KALRN: variants seen among roughly 807,000 people sequenced by gnomAD.
KALRN encodes kalirin.
KALRN carries 70 observed loss-of-function variants against 353.7 expected under a neutral mutation model. The observed-to-expected ratio is 0.20, with a 90% CI of 0.16 to 0.24. The LOEUF (loss-of-function observed/expected upper bound fraction) is 0.24, where lower values mean the gene tolerates loss of function less well. KALRN is among the 10% of genes least tolerant of loss of function. KALRN has a pLI of 1.00. For missense variants in KALRN, 2,791 were observed against 3,756.7 expected, an observed-to-expected ratio of 0.74 and a Z score of 6.72; for synonymous variants, 1,391 against 1,434.8, an observed-to-expected ratio of 0.97 and a Z score of 0.69.
At chr3:124,574,093 G>A (rs763699120) in intron 34 of KALRN, among the ~76,000 whole-genome samples, 6 of 152,288 alleles carry the variant, frequency 3.9e-5, no homozygotes, top group African/African-American at 7.2e-5. Context: ...GAGGAGTTTC[G>A]TGGAAACTGC....
intron 13 of KALRN, among the ~76,000 whole-genome samples, chr3:124,403,607 C>T (rs2091144476): frequency 6.6e-6 from 1 of 152,178 alleles, no homozygotes; most frequent in South Asian, 2.1e-4. Flanking sequence ...AAATGGCATT[C>T]AAGGAAGAAA....
chr3:124,693,824 C>T lies in KALRN; in HGVS notation c.7398C>T (p.Ile2466=). ...TSMEILNPNF[I]QEVAPEFLVP... ...TTCAGATCTTAAATCCAAATTTCAT[C>T]CAAGAAGGTGAGTTAAAAAGCATTA... The change falls in exon 52 of 60, where the codon ATC becomes ATT. Residue 2466 remains isoleucine, a synonymous_variant. Coordinates refer to ENST00000682506, the MANE Select transcript of KALRN (RefSeq NM_001388419.1). The T allele has an allele frequency of 6.4e-7, 1 of 1,571,010 alleles. No individual in the cohort carries two copies. Among genetic ancestry groups the T allele is most frequent in the Non-Finnish European group, 8.7e-7 (1 of 1,149,710 alleles).
Position 124,721,067 on chromosome 3 carries a change from G to C in KALRN, c.*1597G>C, listed in dbSNP as rs1230290960. On this transcript the variant is annotated 3_prime_UTR_variant, in exon 60 of 60. Coordinates refer to ENST00000682506, the MANE Select transcript of KALRN (RefSeq NM_001388419.1). ...GAAGAGAATTTATGAAGGATGAATA[G>C]AACTACAAACCTATCTAAATGAAAA... is the stretch of plus-strand genomic sequence containing the variant. 6.6e-6 allele frequency: 1 copy of C among 152,098 alleles called. No homozygotes were observed. Among genetic ancestry groups the C allele is most frequent in the Non-Finnish European group, 1.5e-5 (1 of 68,000 alleles). 9.4% of individuals were successfully genotyped at this position (152,098 alleles called of 1,614,324 possible). A position where few individuals can be genotyped will look rare whatever the true frequency, so the allele number is the denominator to read the frequency against.
intron 10 of KALRN, among the ~76,000 whole-genome samples, chr3:124,381,441 C>A (rs2087362948): frequency 6.6e-6 from 1 of 152,130 alleles, no homozygotes; most frequent in Non-Finnish European, 1.5e-5. Flanking sequence ...CAGTGGGAAG[C>A]CACTGAACAG....
At chr3:124,628,525 C>T (rs976523095) in intron 34 of KALRN, among the ~76,000 whole-genome samples, 2 of 76,026 alleles carry the variant, frequency 2.6e-5, no homozygotes, top group Admixed American at 2.1e-4. Flanking sequence ...CCTTCCTTTC[C>T]TTCCTTCCTT....
intron 57 of KALRN, among the ~76,000 whole-genome samples, chr3:124,710,594 C>T (rs1042840865): frequency 3.3e-5 from 5 of 152,136 alleles, no homozygotes; most frequent in Admixed American, 3.3e-4. Flanking sequence ...CAAGACCAGC[C>T]TCGGCAATAT....
intron 37 of KALRN, among the ~76,000 whole-genome samples, chr3:124,645,088 CT>C (rs1245831185): frequency 2.0e-5 from 3 of 152,136 alleles, no homozygotes; most frequent in African/African-American, 7.2e-5. Context: ...TGGTGATGAG[CT>C]TTTTTTCATG....
At chr3:124,158,039 A>G (rs925439581) in intron 1 of KALRN, among the ~76,000 whole-genome samples, 11 of 152,302 alleles carry the variant, frequency 7.2e-5, no homozygotes, top group Middle Eastern at 3.4e-3. Flanking sequence ...TTTCCTGCCC[A>G]TCTTTCTCCT....
chr3:124,074,328 T>C (rs1344218417), intron 1 of KALRN, among the ~76,000 whole-genome samples: 1 of 152,230 alleles, frequency 6.6e-6, no homozygotes, highest in East Asian at 1.9e-4. Flanking sequence ...TTCCATGCAT[T>C]GAATGGGCAC....
Position 124,326,028 on chromosome 3 carries a change from T to G in KALRN, c.1141T>G (p.Ser381Ala). 1 of 1,613,744 alleles carries G rather than the reference T, an allele frequency of 6.2e-7. No homozygotes were observed. Among genetic ancestry groups the G allele is most frequent in the Non-Finnish European group, 8.5e-7 (1 of 1,179,784 alleles). ...CATCATGTCCGTGGCTTCCCGCCTC[T>G]CTGAGGCCGGTCATTATGCCTCACA... Reference protein sequence around the residue: ...NRIMSVASRLSEAGHYASQQI... With the variant: ...NRIMSVASRLAEAGHYASQQI... The change falls in exon 7 of 60, where the codon TCT (serine) becomes GCT (alanine). Residue 381 changes from serine (S) to alanine (A), a missense_variant. Ser to Ala is a moderately conservative substitution (Grantham distance 99). Transcript: ENST00000682506.
chr3:124,485,746 G>A (rs2108313395), intron 28 of KALRN, among the ~76,000 whole-genome samples: 1 of 152,258 alleles, frequency 6.6e-6, no homozygotes, highest in East Asian at 1.9e-4. Flanking sequence ...CAGTCGTGGT[G>A]GCGTGCACCT....
intron 10 of KALRN, among the ~76,000 whole-genome samples, chr3:124,373,322 G>A (rs1178944986): frequency 6.6e-6 from 1 of 152,102 alleles, no homozygotes; most frequent in African/African-American, 2.4e-5. Context: ...ACAGTAGCTG[G>A]GGACATTTTT....
At chr3:124,622,599 A>G (rs559984653) in intron 34 of KALRN, among the ~76,000 whole-genome samples, 129 of 152,308 alleles carry the variant, frequency 8.5e-4, no homozygotes, top group African/African-American at 3.0e-3. Context: ...CCACCTGCAC[A>G]TATGCTTGCT....
intron 1 of KALRN, among the ~76,000 whole-genome samples, chr3:124,075,182 G>T (rs1317462136): frequency 6.6e-6 from 1 of 152,224 alleles, no homozygotes; most frequent in African/African-American, 2.4e-5. Flanking sequence ...CACTCTGCCA[G>T]TTCTAGAGCA....
chr3:124,515,104 A>G (rs150744427), intron 33 of KALRN, among the ~76,000 whole-genome samples: 7 of 152,348 alleles, frequency 4.6e-5, no homozygotes, highest in African/African-American at 1.7e-4. Flanking sequence ...TTCTTAGTGG[A>G]ACGAGAAAAG....
Position 124,495,507 on chromosome 3 carries a change from G to A in KALRN, c.4833-804G>A, listed in dbSNP as rs181820702. ...TCTCAGTACTTTGGGATGCCAAGGC[G>A]GGCAGATCACCTGAGGTCAGGAGTT... On this transcript the variant is annotated intron_variant, in intron 32 of 59. Transcript: ENST00000682506. Among the ~76,000 whole-genome samples, 215 of 151,892 alleles carry A rather than the reference G, an allele frequency of 1.4e-3. 1 individual carries two copies. The highest frequency in any genetic ancestry group is 0.01 in the Middle Eastern group (3 of 294).
chr3:124,659,482 G>A (rs2084535150), intron 43 of KALRN, 25 bp downstream of exon 43: 1 of 1,508,522 alleles, frequency 6.6e-7, no homozygotes, highest in Non-Finnish European at 9.2e-7. Flanking sequence ...GCCTGGGTGA[G>A]GGCTGGAGAA....
intron 3 of KALRN, among the ~76,000 whole-genome samples, chr3:124,255,125 A>G (rs1045724977): frequency 6.6e-6 from 1 of 151,974 alleles, no homozygotes; most frequent in African/African-American, 2.4e-5. Flanking sequence ...TTGTATTTTT[A>G]GTAGAGACAG....
intron 34 of KALRN, among the ~76,000 whole-genome samples, chr3:124,592,311 A>G (rs1262562563): frequency 3.3e-4 from 7 of 20,906 alleles, no homozygotes; most frequent in Admixed American, 1.6e-3. Flanking sequence ...CAAAGAAACA[A>G]AAAAAAAAAA....
Sources: gnomAD v4.1 joint callset for allele counts (sites outside exome capture counted in the v4.1 genomes callset) on GRCh38, gnomAD v4.1.1 for gene constraint, MANE v1.5 for transcripts, NCBI Gene and HGNC (gene_info 2026-07-23, HGNC 2026-07-21) for gene names.